The following EGFLAM variants were observed in gnomAD, a reference collection of about 807,000 sequenced individuals.
EGFLAM encodes pikachurin.
Under a neutral mutation model 113.1 loss-of-function variants are expected in EGFLAM, and 79 were observed. The ratio of observed to expected loss-of-function variants is 0.70; its 90% CI spans 0.58 to 0.84. The LOEUF (loss-of-function observed/expected upper bound fraction) is 0.84, where lower values mean the gene tolerates loss of function less well. EGFLAM is among the 40% of genes least tolerant of loss of function. The pLI is 0.00. For synonymous variants in EGFLAM, 504 were observed against 487.6 expected (o/e 1.03, Z -0.44); for missense variants, 1,265 against 1,291.6 (o/e 0.98, Z 0.32).
At chr5:38,358,075 G>T (rs1739810844) in intron 5 of EGFLAM, among the ~76,000 whole-genome samples, 1 of 150,754 alleles carries the variant, frequency 6.6e-6, no homozygotes, top group South Asian at 2.1e-4. Context: ...TTGAGCCCAA[G>T]AGTTCTAGGC....
At position 38,428,411 on chromosome 5, in the gene EGFLAM, G is replaced by A. The variant is rs530398588; in HGVS notation, c.2054+1159G>A. 6.9e-4 allele frequency among the ~76,000 whole-genome samples: 105 copies of A among 152,334 alleles called. 1 individual carries two copies. The highest frequency in any genetic ancestry group is 2.3e-3 in the African/African-American group (97 of 41,562). On this transcript the variant is annotated intron_variant, in intron 14 of 21. Coordinates refer to ENST00000322350, the MANE Select transcript of EGFLAM (RefSeq NM_152403.4). ...ATCAGTGACACCTTCCCCTCTAGGG[G>A]AACGGACAAATATTGTTGTACCTCT...
At chr5:38,351,555 A>G (rs1480039230) in intron 4 of EGFLAM, among the ~76,000 whole-genome samples, 2 of 152,180 alleles carry the variant, frequency 1.3e-5, no homozygotes. Context: ...AAGAAAAGAC[A>G]GGAAAGGTCT....
chr5:38,378,622 A>T (rs1740427726), intron 6 of EGFLAM, among the ~76,000 whole-genome samples: 1 of 152,186 alleles, frequency 6.6e-6, no homozygotes, highest in Non-Finnish European at 1.5e-5. Flanking sequence ...GCCTCTTTCA[A>T]TCCATGCCTA....
chr5:38,354,340 A>C (rs1739707296), intron 5 of EGFLAM, among the ~76,000 whole-genome samples: 1 of 152,166 alleles, frequency 6.6e-6, no homozygotes, highest in Non-Finnish European at 1.5e-5. Context: ...CTCATCTGTA[A>C]AACTTGGGGC....
chr5:38,315,842 G>A lies in EGFLAM; in HGVS notation c.98-21678G>A, dbSNP rs938371863. 5.3e-5 allele frequency among the ~76,000 whole-genome samples: 8 copies of A among 152,106 alleles called. No individual in the cohort carries two copies. In the East Asian group the frequency reaches 1.2e-3, roughly 22 times the overall value. ...TGTAATTTTAGCACTTTGGGAAGCC[G>A]AGGCAGGTGGACCACCTGAGGTCAG... On this transcript the variant is annotated intron_variant, in intron 1 of 21. Coordinates refer to ENST00000322350, the MANE Select transcript of EGFLAM (RefSeq NM_152403.4).
At chr5:38,366,201 C>T (rs1740055640) in intron 5 of EGFLAM, among the ~76,000 whole-genome samples, 2 of 152,112 alleles carry the variant, frequency 1.3e-5, no homozygotes, top group African/African-American at 4.8e-5. Context: ...CAACTTCTGC[C>T]CAGTGATCAA....
chr5:38,397,448 T>A (rs1217732821), intron 6 of EGFLAM, among the ~76,000 whole-genome samples: 2 of 152,188 alleles, frequency 1.3e-5, no homozygotes, highest in South Asian at 2.1e-4. Flanking sequence ...CAATTTTTTT[T>A]AATTAAAATT....
chr5:38,266,931 C>T (rs1381757513), intron 1 of EGFLAM, among the ~76,000 whole-genome samples: 1 of 152,228 alleles, frequency 6.6e-6, no homozygotes, highest in South Asian at 2.1e-4. Context: ...AAAAATAGAC[C>T]GGGCTCACTC....
At chr5:38,326,503 G>A (rs1304488375) in intron 1 of EGFLAM, among the ~76,000 whole-genome samples, 2 of 149,486 alleles carry the variant, frequency 1.3e-5, no homozygotes, top group East Asian at 3.9e-4. Flanking sequence ...CTGTTGATAA[G>A]GGTTTTTTTT....
At chr5:38,420,172 C>A (rs1349001484) in intron 12 of EGFLAM, among the ~76,000 whole-genome samples, 1 of 152,214 alleles carries the variant, frequency 6.6e-6, no homozygotes. Context: ...TACCCTCTTA[C>A]CAAAATCAGC....
At chr5:38,263,325 G>C (rs1375897531) in intron 1 of EGFLAM, among the ~76,000 whole-genome samples, 1 of 152,256 alleles carries the variant, frequency 6.6e-6, no homozygotes, top group East Asian at 1.9e-4. Context: ...AGCCGGGCTT[G>C]GTGGCGCGTG....
At position 38,407,850 on chromosome 5, in the gene EGFLAM, C is replaced by T. The variant is rs145661617; in HGVS notation, c.1193C>T (p.Thr398Met). 40 of 1,613,680 alleles carry T rather than the reference C, an allele frequency of 2.5e-5. No homozygotes were observed. Among genetic ancestry groups the T allele is most frequent in the Middle Eastern group, 1.6e-4 (1 of 6,082 alleles). ...YPQFFGHSYV[T>M]FEPLKNSYQA... ...CAGTTCTTTGGCCACTCCTATGTAACGTTTGAACCTCTGAAGAATTCTTAT... is the reference window on the plus strand; with the variant it reads ...CAGTTCTTTGGCCACTCCTATGTAATGTTTGAACCTCTGAAGAATTCTTAT... The change falls in exon 9 of 22, where the codon ACG becomes ATG. Residue 398 changes from threonine (T) to methionine (M), a missense_variant. Physicochemically the swap from Thr to Met is moderately conservative, Grantham distance 81. Transcript: ENST00000322350.
intron 3 of EGFLAM, among the ~76,000 whole-genome samples, chr5:38,340,592 A>G (rs1353488507): frequency 1.3e-5 from 2 of 152,220 alleles, no homozygotes; most frequent in Non-Finnish European, 2.9e-5. Flanking sequence ...AAGTAAGATC[A>G]GATGTCGTTA....
Position 38,292,043 on chromosome 5 carries a change from A to G in EGFLAM, c.97+33192A>G, listed in dbSNP as rs574113335. ...GTAACCCCAACCCCTGCTTGTTAAT[A>G]TTGACCTTCAGTTTGAAATGCTGAG... On this transcript the variant is annotated intron_variant, in intron 1 of 21. Coordinates refer to ENST00000322350, the MANE Select transcript of EGFLAM (RefSeq NM_152403.4). 1.4e-4 allele frequency among the ~76,000 whole-genome samples: 22 copies of G among 152,322 alleles called. No individual in the cohort carries two copies. In the South Asian group the frequency reaches 4.6e-3, roughly 32 times the overall value.
chr5:38,452,182 C>T (rs981731470), intron 19 of EGFLAM, among the ~76,000 whole-genome samples: 4 of 151,738 alleles, frequency 2.6e-5, no homozygotes, highest in African/African-American at 7.3e-5. Flanking sequence ...GATTATAGCA[C>T]GTGCCACCAT....
At chr5:38,394,056 C>G (rs996194251) in intron 6 of EGFLAM, among the ~76,000 whole-genome samples, 1 of 152,088 alleles carries the variant, frequency 6.6e-6, no homozygotes, top group Admixed American at 6.5e-5. Flanking sequence ...GAAGCCGCAC[C>G]GTCTGAAGTT....
chr5:38,353,882 G>A (rs1739693607), intron 5 of EGFLAM, among the ~76,000 whole-genome samples: 1 of 152,164 alleles, frequency 6.6e-6, no homozygotes, highest in Non-Finnish European at 1.5e-5. Flanking sequence ...GAAAGAGAGT[G>A]GCTTTCTCCA....
chr5:38,399,381 G>T (rs921851934), intron 6 of EGFLAM, among the ~76,000 whole-genome samples: 2 of 148,492 alleles, frequency 1.3e-5, no homozygotes, highest in African/African-American at 5.0e-5. Flanking sequence ...AGGCTCAAGC[G>T]ATCCTGCCAT....
At chr5:38,405,828 C>T (rs574332089) in intron 6 of EGFLAM, among the ~76,000 whole-genome samples, 1 of 152,244 alleles carries the variant, frequency 6.6e-6, no homozygotes, top group African/African-American at 2.4e-5. Context: ...CATATGAGTC[C>T]TCATTGATCC....
Sources: gnomAD v4.1 joint callset for allele counts (sites outside exome capture counted in the v4.1 genomes callset) on GRCh38, gnomAD v4.1.1 for gene constraint, MANE v1.5 for transcripts, NCBI Gene and HGNC (gene_info 2026-07-23, HGNC 2026-07-21) for gene names.